Variants in DYNC2H1 observed in about 807,000 individuals in gnomAD.
DYNC2H1 encodes cytoplasmic dynein 2 heavy chain 1.
In DYNC2H1, 410 loss-of-function variants were observed where a neutral mutation model predicts 570.0. That is an observed-to-expected ratio of 0.72 (90% CI 0.66 to 0.78). The LOEUF (loss-of-function observed/expected upper bound fraction) is 0.78. Among genes scored for constraint, DYNC2H1 ranks in the 30% least tolerant of loss-of-function variants. The pLI is 0.00. For missense variants in DYNC2H1, 4,865 were observed against 5,046.4 expected (o/e 0.96, Z 1.09); for synonymous variants, 1,688 against 1,677.6 (o/e 1.01, Z -0.15).
intron 47 of DYNC2H1, among the ~76,000 whole-genome samples, chr11:103,194,905 ACG>A: frequency 6.6e-6 from 1 of 151,710 alleles, no homozygotes; most frequent in East Asian, 1.9e-4. Flanking sequence ...TTTAGTAGAG[ACG>A]CGGTTTCATC....
At chr11:103,283,209 G>C (rs1866214341) in intron 73 of DYNC2H1, 124 bp downstream of exon 73, 3 of 627,522 alleles carry the variant, frequency 4.8e-6, no homozygotes, top group South Asian at 6.8e-5. Context: ...AGTTCCCCCA[G>C]TAAAAAGTTA....
chr11:103,111,563 A>T (rs1858114595), intron 1 of DYNC2H1, among the ~76,000 whole-genome samples: 1 of 152,214 alleles, frequency 6.6e-6, no homozygotes, highest in East Asian at 1.9e-4. Context: ...TCAGCAAATG[A>T]TAAAATCAGG....
rs1290133472 is a variant in DYNC2H1, at chr11:103,243,396, A to C, written c.9820-297A>C. Among the ~76,000 whole-genome samples the C allele has an allele frequency of 6.6e-6, 1 of 152,166 alleles. No individual in the cohort carries two copies. The highest frequency in any genetic ancestry group is 2.4e-5 in the African/African-American group (1 of 41,442). On this transcript the variant is annotated intron_variant, in intron 63 of 88. Transcript: ENST00000375735. This position sits in a 1 kb window ranked among gnomAD's most constrained non-coding sequence, Gnocchi z 4.8. Reference sequence around the variant, plus strand: ...TGAGACTAAAGCTCTTGCTTAGCATAATGTTAGTACAGATATTCTGTGTTA... The same window carrying C: ...TGAGACTAAAGCTCTTGCTTAGCATCATGTTAGTACAGATATTCTGTGTTA...
At chr11:103,196,948 T>A (rs1181033994) in intron 47 of DYNC2H1, among the ~76,000 whole-genome samples, 1 of 152,104 alleles carries the variant, frequency 6.6e-6, no homozygotes, top group Non-Finnish European at 1.5e-5. Flanking sequence ...GTTGTTTTTT[T>A]AGGGGAGTTT....
rs746481743 is a variant in DYNC2H1 at position 103,321,022 on chromosome 11, A to G, written c.11726-7A>G. The G allele has an allele frequency of 1.8e-5, 28 of 1,587,936 alleles. No homozygotes were observed. Among genetic ancestry groups the G allele is most frequent in the Middle Eastern group, 1.8e-4 (1 of 5,482 alleles). ...TGAAATTAATGAGTGTTTTTTTAAAATTATAGGTGCCAAAGATGTACAATG... is the reference window on the plus strand; with the variant it reads ...TGAAATTAATGAGTGTTTTTTTAAAGTTATAGGTGCCAAAGATGTACAATG... On this transcript the variant is annotated splice_region_variant and splice_polypyrimidine_tract_variant and intron_variant, in intron 80 of 88. Transcript: ENST00000375735.
At chr11:103,155,029 A>C (rs778900365) in intron 24 of DYNC2H1, among the ~76,000 whole-genome samples, 9 of 152,106 alleles carry the variant, frequency 5.9e-5, no homozygotes, top group Non-Finnish European at 1.0e-4. Flanking sequence ...TAAAAAACAG[A>C]GTGCTTATAC....
intron 17 of DYNC2H1, among the ~76,000 whole-genome samples, 198 bp downstream of exon 17, chr11:103,136,146 T>A (rs1272542310): frequency 6.6e-6 from 1 of 151,900 alleles, no homozygotes; most frequent in African/African-American, 2.4e-5. Context: ...GAAAGATTTT[T>A]TTTTTGTCTT....
rs966123705 is a variant in DYNC2H1 at position 103,350,290 on chromosome 11, C to T, written c.12040-7953C>T. ...CTATTCATTTCAAAAACAGAAGATA[C>T]ATATTGTAAATATAAAAAGTATTAT... On this transcript the variant is annotated intron_variant, in intron 82 of 88. Coordinates refer to ENST00000375735, the MANE Select transcript of DYNC2H1 (RefSeq NM_001377.3). Among the ~76,000 whole-genome samples the T allele has an allele frequency of 3.9e-5, 6 of 151,956 alleles. No homozygotes were observed. In the East Asian group the frequency reaches 1.2e-3, roughly 29 times the overall value.
chr11:103,295,552 C>A (rs867445114), intron 75 of DYNC2H1, among the ~76,000 whole-genome samples: 1 of 152,134 alleles, frequency 6.6e-6, no homozygotes, highest in Admixed American at 6.5e-5. Context: ...CTAATAACTT[C>A]AAGTATTCTG....
At chr11:103,293,043 A>G (rs1866677636) in intron 75 of DYNC2H1, among the ~76,000 whole-genome samples, 1 of 152,240 alleles carries the variant, frequency 6.6e-6, no homozygotes, top group Non-Finnish European at 1.5e-5. Context: ...ATACCTTCAG[A>G]TGATTTCTTG....
intron 63 of DYNC2H1, among the ~76,000 whole-genome samples, chr11:103,242,861 C>T (rs1427411914): frequency 6.6e-6 from 1 of 152,040 alleles, no homozygotes; most frequent in Non-Finnish European, 1.5e-5. Flanking sequence ...GCTGGGACTA[C>T]AAGCGCCCGC....
At chr11:103,418,996 T>C (rs1200460728) in intron 84 of DYNC2H1, among the ~76,000 whole-genome samples, 1 of 152,098 alleles carries the variant, frequency 6.6e-6, no homozygotes, top group Non-Finnish European at 1.5e-5. Context: ...CACCTGTATA[T>C]ATCCCTAAAG....
At chr11:103,333,346 C>T (rs1350942922) in intron 82 of DYNC2H1, among the ~76,000 whole-genome samples, 1 of 152,168 alleles carries the variant, frequency 6.6e-6, no homozygotes, top group Non-Finnish European at 1.5e-5. Flanking sequence ...TCACTGCAAG[C>T]TCCGCCTCCC....
At chr11:103,206,111 G>A (rs1285846900) in intron 52 of DYNC2H1, among the ~76,000 whole-genome samples, 3 of 152,122 alleles carry the variant, frequency 2.0e-5, no homozygotes, top group Non-Finnish European at 4.4e-5. Flanking sequence ...AGGATGTAGT[G>A]GTAAGGTGGT....
Position 103,239,640 on chromosome 11 carries a change from GGAGTGTGTGTGT to G in DYNC2H1, c.9819+3103_9819+3114del, listed in dbSNP as rs1320155925. On this transcript the variant is annotated intron_variant, in intron 63 of 88. Coordinates refer to ENST00000375735, the MANE Select transcript of DYNC2H1 (RefSeq NM_001377.3). This position sits in a 1 kb window ranked among gnomAD's most constrained non-coding sequence, Gnocchi z 4.3. ...AGCTCCTGTCTATACACTTCTCATA[GGAGTGTGTGTGT>G]GTGTGTGTGTGTGTGTGTGTGTGTG... Among the ~76,000 whole-genome samples, 3 of 139,282 alleles carry G rather than the reference GGAGTGTGTGTGT, an allele frequency of 2.2e-5. No homozygotes were observed. Among genetic ancestry groups the G allele is most frequent in the African/African-American group, 8.3e-5 (3 of 36,150 alleles). 91.4% of individuals were successfully genotyped at this position (139,282 alleles called of 152,430 possible).
chr11:103,233,328 C>A (rs1864085182), intron 60 of DYNC2H1, among the ~76,000 whole-genome samples: 1 of 150,724 alleles, frequency 6.6e-6, no homozygotes, highest in African/African-American at 2.4e-5. Context: ...CCACCCTGGG[C>A]ATATTATAAA....
chr11:103,136,692 G>C (rs1368595610), intron 17 of DYNC2H1, among the ~76,000 whole-genome samples: 1 of 152,116 alleles, frequency 6.6e-6, no homozygotes, highest in East Asian at 1.9e-4. Flanking sequence ...ACATACGTGT[G>C]CATGTGTCTT....
At chr11:103,111,997 A>T (rs909416447) in intron 1 of DYNC2H1, among the ~76,000 whole-genome samples, 3 of 152,216 alleles carry the variant, frequency 2.0e-5, no homozygotes, top group East Asian at 3.8e-4. Context: ...AATTTTGGGT[A>T]TTGATAAGTG....
At chr11:103,282,863 G>C in intron 72 of DYNC2H1, 145 bp from the exon 73 acceptor site, 1 of 583,712 alleles carries the variant, frequency 1.7e-6, no homozygotes, top group Non-Finnish European at 2.9e-6. Flanking sequence ...ATTTTACCAT[G>C]GTGACTTGTA....
Sources: allele counts gnomAD v4.1 joint callset (sites outside exome capture counted in the v4.1 genomes callset), GRCh38; gene constraint gnomAD v4.1.1; non-coding constraint Gnocchi (gnomAD v3.1); transcripts MANE v1.5; gene names NCBI Gene and HGNC (gene_info 2026-07-23, HGNC 2026-07-21).